The following LRRC8D variants were observed in gnomAD, a reference collection of about 807,000 sequenced individuals.
LRRC8D encodes leucine rich repeat containing 8 VRAC subunit D.
Under a neutral mutation model 55.8 loss-of-function variants are expected in LRRC8D, and 20 were observed. The observed-to-expected ratio is 0.36, with a 90% CI of 0.25 to 0.52. The LOEUF (loss-of-function observed/expected upper bound fraction) is 0.52, where lower values mean the gene tolerates loss of function less well. Ranked by LOEUF, LRRC8D falls within the 20% of genes least tolerant of loss-of-function variation. The probability of loss-of-function intolerance (pLI) is 0.93; values close to 1 mark genes in which losing one functional copy is unlikely to be tolerated. For missense variants in LRRC8D, 651 were observed against 1,030.8 expected (o/e 0.63, Z 5.05); for synonymous variants, 352 against 377.0 (o/e 0.93, Z 0.77).
At chr1:89,913,440 C>G (rs1446370929) in intron 2 of LRRC8D, among the ~76,000 whole-genome samples, 1 of 152,224 alleles carries the variant, frequency 6.6e-6, no homozygotes, top group Non-Finnish European at 1.5e-5. Flanking sequence ...AGCTTCAGTA[C>G]TTGCCATATG....
At chr1:89,841,599 G>T (rs1477399118) in intron 1 of LRRC8D, among the ~76,000 whole-genome samples, 3 of 152,180 alleles carry the variant, frequency 2.0e-5, no homozygotes, top group Admixed American at 6.5e-5. Context: ...AAGAGCCCCA[G>T]TTAGAGAAAA....
intron 1 of LRRC8D, among the ~76,000 whole-genome samples, chr1:89,821,561 C>T (rs952286172): frequency 1.3e-5 from 2 of 152,164 alleles, no homozygotes; most frequent in East Asian, 1.9e-4. Flanking sequence ...GCGGCCGGCC[C>T]TGCGGGAGGG....
At chr1:89,853,502 A>G (rs955356529) in intron 2 of LRRC8D, among the ~76,000 whole-genome samples, 2 of 152,206 alleles carry the variant, frequency 1.3e-5, no homozygotes, top group South Asian at 2.1e-4. Flanking sequence ...AAAATCTGAA[A>G]ACAAAAGTGA....
chr1:89,890,265 C>A (rs1662543731), intron 2 of LRRC8D, among the ~76,000 whole-genome samples: 1 of 152,138 alleles, frequency 6.6e-6, no homozygotes, highest in Non-Finnish European at 1.5e-5. Context: ...ATACCACACC[C>A]TAGGAGCCTG....
intron 2 of LRRC8D, among the ~76,000 whole-genome samples, chr1:89,903,019 T>G (rs754196220): frequency 6.6e-6 from 1 of 152,218 alleles, no homozygotes; most frequent in Non-Finnish European, 1.5e-5. Context: ...ATGGGCTCAC[T>G]AAATCCCCAC....
chr1:89,826,244 AAATTT>A (rs1389260535), intron 1 of LRRC8D, among the ~76,000 whole-genome samples: 3 of 111,564 alleles, frequency 2.7e-5, no homozygotes, highest in East Asian at 2.6e-4. Context: ...ATCAACCCTT[AAATTT>A]TATTTTATTT....
At chr1:89,841,349 G>T (rs759658962) in intron 1 of LRRC8D, among the ~76,000 whole-genome samples, 2 of 152,050 alleles carry the variant, frequency 1.3e-5, no homozygotes, top group Non-Finnish European at 2.9e-5. Flanking sequence ...AGAAAAGGGT[G>T]GGTGAGGTGT....
intron 2 of LRRC8D, among the ~76,000 whole-genome samples, chr1:89,849,971 C>T (rs1302654561): frequency 1.3e-5 from 2 of 152,136 alleles, no homozygotes; most frequent in Non-Finnish European, 2.9e-5. Context: ...ATTCTGGGCT[C>T]ACAATGTTGT....
intron 2 of LRRC8D, among the ~76,000 whole-genome samples, chr1:89,918,167 C>T (rs954053537): frequency 6.6e-6 from 1 of 152,234 alleles, no homozygotes; most frequent in Admixed American, 6.5e-5. Context: ...AAGTGGAGAA[C>T]ATCTGGGTTC....
intron 1 of LRRC8D, among the ~76,000 whole-genome samples, chr1:89,831,683 T>A (rs1450238311): frequency 6.6e-6 from 1 of 152,094 alleles, no homozygotes; most frequent in African/African-American, 2.4e-5. Flanking sequence ...TCCTAGTGTA[T>A]CATGTTAATG....
intron 1 of LRRC8D, among the ~76,000 whole-genome samples, chr1:89,831,015 C>A (rs1660873909): frequency 6.6e-6 from 1 of 151,044 alleles, no homozygotes; most frequent in Non-Finnish European, 1.5e-5. Context: ...AAGCGATTCT[C>A]CTACCTCAGC....
intron 2 of LRRC8D, among the ~76,000 whole-genome samples, chr1:89,894,994 T>C (rs1201102561): frequency 6.6e-6 from 1 of 150,476 alleles, no homozygotes; most frequent in African/African-American, 2.4e-5. Flanking sequence ...GGTGAAGGTC[T>C]CCCACCCCCA....
At chr1:89,867,307 T>A (rs1325230290) in intron 2 of LRRC8D, among the ~76,000 whole-genome samples, 1 of 152,242 alleles carries the variant, frequency 6.6e-6, no homozygotes, top group African/African-American at 2.4e-5. Flanking sequence ...TTCTCTCATA[T>A]TTTTAAGGTT....
chr1:89,872,939 T>A (rs1455175090), intron 2 of LRRC8D, among the ~76,000 whole-genome samples: 1 of 152,228 alleles, frequency 6.6e-6, no homozygotes, highest in Non-Finnish European at 1.5e-5. Flanking sequence ...GAAATTAAGA[T>A]AGCATCTTGG....
At chr1:89,866,232 G>A (rs570041795) in intron 2 of LRRC8D, among the ~76,000 whole-genome samples, 1 of 152,264 alleles carries the variant, frequency 6.6e-6, no homozygotes, top group African/African-American at 2.4e-5. Flanking sequence ...CTTGCTCAAT[G>A]ACAGTCTTAA....
At chr1:89,895,025 G>C (rs576234007) in intron 2 of LRRC8D, among the ~76,000 whole-genome samples, 1 of 140,122 alleles carries the variant, frequency 7.1e-6, no homozygotes, top group Non-Finnish European at 1.6e-5. Flanking sequence ...TGATCACTCA[G>C]TAAGCAAGCA....
At chr1:89,833,782 G>GTAGA (rs1660940496) in intron 1 of LRRC8D, 1 of 152,312 alleles carries the variant, frequency 6.6e-6, no homozygotes, top group African/African-American at 2.4e-5. Flanking sequence ...GGTGAGGTAG[G>GTAGA]TGGTTGGGGA....
intron 2 of LRRC8D, among the ~76,000 whole-genome samples, chr1:89,913,809 G>A (rs759483694): frequency 2.8e-4 from 42 of 152,202 alleles, no homozygotes; most frequent in Middle Eastern, 3.4e-3. Context: ...GATAATTTGG[G>A]TCAATTTCCT....
At chr1:89,827,179 C>T (rs1011948940) in intron 1 of LRRC8D, among the ~76,000 whole-genome samples, 2 of 151,948 alleles carry the variant, frequency 1.3e-5, no homozygotes, top group Middle Eastern at 3.4e-3. Context: ...GGTGAAACCC[C>T]GTCTCTACTA....
Sources: gnomAD v4.1 joint callset for allele counts (sites outside exome capture counted in the v4.1 genomes callset) on GRCh38, gnomAD v4.1.1 for gene constraint, MANE v1.5 for transcripts, NCBI Gene and HGNC (gene_info 2026-07-23, HGNC 2026-07-21) for gene names.